ERICH1: variants seen among roughly 807,000 people sequenced by gnomAD.
ERICH1 encodes the protein glutamate rich 1.
Under a neutral mutation model 39.6 loss-of-function variants are expected in ERICH1, and 56 were observed. The observed-to-expected ratio is 1.41, with a 90% CI of 1.14 to 1.77. ERICH1 has a LOEUF of 1.77. Ranked by LOEUF, ERICH1 falls within the 40% of genes most tolerant of loss-of-function variation. The pLI is 0.00. For synonymous variants in ERICH1, 313 were observed against 223.6 expected (o/e 1.40, Z -3.57); for missense variants, 826 against 575.4 (o/e 1.44, Z -4.45).
intron 2 of ERICH1, among the ~76,000 whole-genome samples, chr8:710,488 C>A (rs577498778): frequency 1.3e-5 from 2 of 149,980 alleles, no homozygotes; most frequent in Admixed American, 6.6e-5. Context: ...TTCCAGTCCT[C>A]GGCATCGTAC....
At chr8:665,734 T>A (rs1232926487) in intron 5 of ERICH1, among the ~76,000 whole-genome samples, 1 of 152,324 alleles carries the variant, frequency 6.6e-6, no homozygotes, top group Non-Finnish European at 1.5e-5. Context: ...TTGGCCCTAA[T>A]GCTGGCATCG....
intron 3 of ERICH1, among the ~76,000 whole-genome samples, chr8:629,398 C>A (rs1472177654): frequency 1.4e-5 from 2 of 139,516 alleles, no homozygotes; most frequent in Non-Finnish European, 3.2e-5. Flanking sequence ...ACCACCCACA[C>A]ACACAGAGCT....
chr8:691,853 A>C (rs1808974826), intron 3 of ERICH1, among the ~76,000 whole-genome samples: 2 of 152,188 alleles, frequency 1.3e-5, no homozygotes, highest in Non-Finnish European at 2.9e-5. Flanking sequence ...GAAAACTCTA[A>C]ATTCCTCTTG....
chr8:729,133 C>G (rs542351912), intron 1 of ERICH1, among the ~76,000 whole-genome samples: 1 of 152,242 alleles, frequency 6.6e-6, no homozygotes, highest in Non-Finnish European at 1.5e-5. Flanking sequence ...GCCTGATTCG[C>G]TGCCGCAGCC....
intron 3 of ERICH1, chr8:626,912 A>G (rs938660610): frequency 1.2e-5 from 4 of 334,272 alleles, no homozygotes. Context: ...TGCCTAGAGT[A>G]AGGTACCTTC....
At chr8:616,890 CACACACACACACAGAGAGAGAG>C (rs1796945833) in intron 3 of ERICH1, among the ~76,000 whole-genome samples, 2 of 11,570 alleles carry the variant, frequency 1.7e-4, no homozygotes, top group Non-Finnish European at 2.5e-4. Flanking sequence ...GAGACAGAGA[CACACACACACACAGAGAGAGAG>C]AGAGAGACAG....
intron 2 of ERICH1, among the ~76,000 whole-genome samples, chr8:712,496 C>A (rs1703950): frequency 1.3e-5 from 2 of 151,902 alleles, no homozygotes; most frequent in Non-Finnish European, 2.9e-5. Context: ...GTGACATGAT[C>A]TCGGCTCACA....
intron 3 of ERICH1, chr8:656,879 T>C (rs1383989072): frequency 1.0e-6 from 1 of 970,358 alleles, no homozygotes; most frequent in Non-Finnish European, 1.2e-6. Context: ...AGCAGAAACT[T>C]AAACATTATG....
At chr8:639,687 C>T (rs112622667) in intron 3 of ERICH1, among the ~76,000 whole-genome samples, 1,365 of 129,900 alleles carry the variant, frequency 0.011, 101 homozygotes, top group African/African-American at 0.039. Flanking sequence ...TTAGCAGACA[C>T]GACCAAGCAC....
chr8:691,007 T>C (rs1808777279), intron 3 of ERICH1: 1 of 152,282 alleles, frequency 6.6e-6, no homozygotes, highest in South Asian at 2.1e-4. Context: ...CATCCTTGCT[T>C]CTCCTGGCCT....
At chr8:674,134 T>C in intron 3 of ERICH1, 87 bp from the exon 4 acceptor site, 5 of 1,425,064 alleles carry the variant, frequency 3.5e-6, no homozygotes, top group Non-Finnish European at 4.6e-6. Context: ...CATCAGGATC[T>C]TGTAGTTTTA....
intron 3 of ERICH1, among the ~76,000 whole-genome samples, chr8:627,740 G>T (rs917497353): frequency 3.9e-5 from 6 of 152,324 alleles, no homozygotes; most frequent in African/African-American, 1.4e-4. Flanking sequence ...ATGTTCAGCC[G>T]CAGGGGAGTT....
At chr8:731,090 C>G (rs1449515241) in intron 1 of ERICH1, 50 bp downstream of exon 1, 3 of 1,416,518 alleles carry the variant, frequency 2.1e-6, no homozygotes, top group Non-Finnish European at 2.8e-6. Flanking sequence ...CGGTCTGAGC[C>G]GAGAGCCGGG....
chr8:617,584 G>C (rs755002311), intron 3 of ERICH1, among the ~76,000 whole-genome samples: 37 of 151,178 alleles, frequency 2.4e-4, no homozygotes, highest in Non-Finnish European at 4.6e-4. Flanking sequence ...ACTGCCCTCT[G>C]AGTGCTTGGT....
rs549127654 is a variant in ERICH1, at chr8:715,315, G to C, written c.169+546C>G. Among the ~76,000 whole-genome samples, 337 of 152,388 alleles carry C rather than the reference G, an allele frequency of 2.2e-3. 2 individuals are homozygous for C. Among genetic ancestry groups the C allele is most frequent in the African/African-American group, 7.9e-3 (327 of 41,600 alleles). On this transcript the variant is annotated intron_variant, in intron 2 of 5. Coordinates refer to ENST00000262109, the MANE Select transcript of ERICH1 (RefSeq NM_207332.3). ...GGTCTCTTCCCGTGTCTCTCAGCGG[G>C]GTCCTCTCACAGTCTCACAGGTGAG...
At chr8:619,477 C>G (rs563142449) in intron 3 of ERICH1, among the ~76,000 whole-genome samples, 1 of 152,092 alleles carries the variant, frequency 6.6e-6, no homozygotes, top group Non-Finnish European at 1.5e-5. Flanking sequence ...TTGAAAATAG[C>G]AGCACAAAGA....
At chr8:713,432 G>C (rs554418569) in intron 2 of ERICH1, among the ~76,000 whole-genome samples, 10 of 152,142 alleles carry the variant, frequency 6.6e-5, no homozygotes, top group African/African-American at 2.4e-4. Context: ...AGCCATATGG[G>C]AAAAATGTAG....
At chr8:690,747 A>C (rs1483752890) in intron 3 of ERICH1, among the ~76,000 whole-genome samples, 3 of 152,250 alleles carry the variant, frequency 2.0e-5, no homozygotes, top group Admixed American at 2.0e-4. Context: ...AGGCACAGCA[A>C]AGGCAAAAAC....
intron 3 of ERICH1, among the ~76,000 whole-genome samples, chr8:688,705 TAAC>T (rs1808223473): frequency 6.6e-6 from 1 of 152,162 alleles, no homozygotes; most frequent in Non-Finnish European, 1.5e-5. Flanking sequence ...GGAAAGGTAG[TAAC>T]TACCACAAAC....
Sources: allele counts gnomAD v4.1 joint callset (sites outside exome capture counted in the v4.1 genomes callset), GRCh38; gene constraint gnomAD v4.1.1; transcripts MANE v1.5; gene names NCBI Gene and HGNC (gene_info 2026-07-23, HGNC 2026-07-21).